Variants in FMNL2 observed in about 807,000 individuals in gnomAD.
FMNL2 encodes the protein formin like 2, also known as formin-like protein 2.
FMNL2 carries 51 observed loss-of-function variants against 130.2 expected under a neutral mutation model. The ratio of observed to expected loss-of-function variants is 0.39; its 90% CI spans 0.31 to 0.49. The LOEUF is 0.49. Ranked by LOEUF, FMNL2 falls within the 20% of genes least tolerant of loss-of-function variation. The probability of loss-of-function intolerance (pLI) is 0.85; values close to 1 mark genes in which losing one functional copy is unlikely to be tolerated. For missense variants in FMNL2, 977 were observed against 1,316.2 expected (o/e 0.74, Z 3.99); for synonymous variants, 465 against 467.1 (o/e 1.00, Z 0.06).
intron 1 of FMNL2, among the ~76,000 whole-genome samples, chr2:152,407,066 G>A (rs1444913623): frequency 6.6e-6 from 1 of 152,112 alleles, no homozygotes; most frequent in East Asian, 1.9e-4. Context: ...TTGCTGGGAC[G>A]ATTAGAAACC....
At chr2:152,437,021 G>A (rs1687806425) in intron 1 of FMNL2, among the ~76,000 whole-genome samples, 2 of 152,188 alleles carry the variant, frequency 1.3e-5, no homozygotes, top group South Asian at 4.1e-4. Context: ...GGTGTCTGGT[G>A]AAGGTATGCT....
At chr2:152,419,085 G>A (rs1165010813) in intron 1 of FMNL2, among the ~76,000 whole-genome samples, 2 of 151,568 alleles carry the variant, frequency 1.3e-5, no homozygotes, top group African/African-American at 2.4e-5. Flanking sequence ...TTTAAACAGA[G>A]TGTACTTATT....
intron 2 of FMNL2, chr2:152,539,085 G>A (rs921528159): frequency 2.6e-5 from 4 of 151,982 alleles, no homozygotes; most frequent in East Asian, 3.9e-4. Flanking sequence ...TCAGGACCTC[G>A]TTGCCTGCTT....
intron 7 of FMNL2, among the ~76,000 whole-genome samples, chr2:152,577,032 G>A (rs1017232317): frequency 6.6e-6 from 1 of 152,188 alleles, no homozygotes; most frequent in Admixed American, 6.5e-5. Flanking sequence ...ATGAGACCAT[G>A]CTGGCTTCTG....
At chr2:152,523,709 G>T (rs1292295455) in intron 2 of FMNL2, among the ~76,000 whole-genome samples, 1 of 152,150 alleles carries the variant, frequency 6.6e-6, no homozygotes, top group Non-Finnish European at 1.5e-5. Context: ...ACTTTATCAT[G>T]AAGTGGCCGT....
At chr2:152,460,809 C>T (rs901557484) in intron 1 of FMNL2, among the ~76,000 whole-genome samples, 2 of 152,180 alleles carry the variant, frequency 1.3e-5, no homozygotes, top group Non-Finnish European at 2.9e-5. Flanking sequence ...TTACCGTCTC[C>T]CATCACCCCT....
intron 3 of FMNL2, among the ~76,000 whole-genome samples, chr2:152,545,880 G>A (rs1464127442): frequency 6.6e-6 from 1 of 152,196 alleles, no homozygotes; most frequent in Non-Finnish European, 1.5e-5. Context: ...CGAAAATTGA[G>A]CCGTTCCTTA....
At chr2:152,620,699 A>C (rs1250740987) in intron 15 of FMNL2, among the ~76,000 whole-genome samples, 1 of 152,002 alleles carries the variant, frequency 6.6e-6, no homozygotes, top group Non-Finnish European at 1.5e-5. Flanking sequence ...AGATTTCCCA[A>C]TCTCCATCCC....
chr2:152,346,758 T>C (rs925581468), intron 1 of FMNL2, among the ~76,000 whole-genome samples: 3 of 152,154 alleles, frequency 2.0e-5, no homozygotes, highest in African/African-American at 7.2e-5. Context: ...TAGAATGATA[T>C]TACCTGATCC....
At chr2:152,400,423 C>T (rs1305552194) in intron 1 of FMNL2, among the ~76,000 whole-genome samples, 9 of 151,274 alleles carry the variant, frequency 5.9e-5, no homozygotes, top group Non-Finnish European at 1.3e-4. Flanking sequence ...GGTGACAGAG[C>T]CAGACTCGGT....
Position 152,640,069 on chromosome 2 carries a change from G to A in FMNL2, c.3045+13G>A, listed in dbSNP as rs143307065. ...GCAGGATCCAAAGGTAAGAAGTGCC[G>A]CACTCATGAGACAGGTCCGTGAGGA... On this transcript the variant is annotated intron_variant, in intron 24 of 25. Transcript: ENST00000288670. The A allele has an allele frequency of 7.8e-4, 1,196 of 1,540,616 alleles. 12 individuals carry two copies. The African/African-American group carries it at 0.014, about 18-fold the overall frequency.
At chr2:152,443,712 C>T (rs759009513) in intron 1 of FMNL2, among the ~76,000 whole-genome samples, 4 of 151,906 alleles carry the variant, frequency 2.6e-5, no homozygotes, top group East Asian at 1.9e-4. Context: ...GCGTGGTGGC[C>T]GGCATCTGTA....
intron 1 of FMNL2, among the ~76,000 whole-genome samples, chr2:152,424,960 G>A (rs1373090524): frequency 6.6e-6 from 1 of 152,204 alleles, no homozygotes; most frequent in Non-Finnish European, 1.5e-5. Context: ...TGATACAAGG[G>A]CGCTGAGTTT....
Position 152,634,678 on chromosome 2 carries a change from C to T in FMNL2, c.2681-1749C>T, listed in dbSNP as rs138432241. Among the ~76,000 whole-genome samples the T allele has an allele frequency of 2.5e-3, 375 of 152,286 alleles. 4 individuals carry two copies. The highest frequency in any genetic ancestry group is 8.1e-3 in the African/African-American group (337 of 41,560). On this transcript the variant is annotated intron_variant, in intron 21 of 25. Transcript: ENST00000288670. Reference sequence around the variant, plus strand: ...TTGGCAAGAGGTCAGGTGAATATGGCGGATGAGGCAAAGCTTCATAGCCCA... The same window carrying T: ...TTGGCAAGAGGTCAGGTGAATATGGTGGATGAGGCAAAGCTTCATAGCCCA...
At chr2:152,449,023 A>G (rs767199675) in intron 1 of FMNL2, among the ~76,000 whole-genome samples, 60 of 152,242 alleles carry the variant, frequency 3.9e-4, no homozygotes, top group Non-Finnish European at 7.8e-4. Flanking sequence ...TCTGTTGGTT[A>G]AGATGGCACT....
At chr2:152,355,860 A>G (rs985659470) in intron 1 of FMNL2, among the ~76,000 whole-genome samples, 4 of 152,228 alleles carry the variant, frequency 2.6e-5, no homozygotes, top group African/African-American at 9.6e-5. Context: ...AAATAGTCCC[A>G]GCATTACAGA....
chr2:152,549,564 A>C (rs925860919), intron 4 of FMNL2, among the ~76,000 whole-genome samples: 2 of 152,208 alleles, frequency 1.3e-5, no homozygotes, highest in African/African-American at 4.8e-5. Context: ...CATTGCACTC[A>C]GACACATTCT....
intron 1 of FMNL2, among the ~76,000 whole-genome samples, chr2:152,476,515 A>G (rs929773068): frequency 9.2e-5 from 14 of 152,164 alleles, no homozygotes; most frequent in African/African-American, 3.1e-4. Flanking sequence ...TATTTAAAAA[A>G]TGAAAAAATT....
At chr2:152,504,202 A>C (rs2105334666) in intron 1 of FMNL2, among the ~76,000 whole-genome samples, 1 of 152,210 alleles carries the variant, frequency 6.6e-6, no homozygotes, top group East Asian at 1.9e-4. Flanking sequence ...ACAATAACAA[A>C]AAAGAACAAT....
Sources: allele counts gnomAD v4.1 joint callset (sites outside exome capture counted in the v4.1 genomes callset), GRCh38; gene constraint gnomAD v4.1.1; transcripts MANE v1.5; gene names NCBI Gene and HGNC (gene_info 2026-07-23, HGNC 2026-07-21).